ERC2: variants seen among roughly 807,000 people sequenced by gnomAD.
The protein encoded by ERC2 is ERC protein 2.
In ERC2, 42 loss-of-function variants were observed where a neutral mutation model predicts 114.8. The observed-to-expected ratio is 0.37, with a 90% CI of 0.29 to 0.47. The LOEUF is 0.47. Ranked by LOEUF, ERC2 falls within the 20% of genes least tolerant of loss-of-function variation. The probability of loss-of-function intolerance (pLI) is 0.99; values close to 1 mark genes in which losing one functional copy is unlikely to be tolerated. For synonymous variants in ERC2, 454 were observed against 425.5 expected, an observed-to-expected ratio of 1.07 and a Z score of -0.82; for missense variants, 939 against 1,150.7, an observed-to-expected ratio of 0.82 and a Z score of 2.66.
intron 2 of ERC2, among the ~76,000 whole-genome samples, chr3:56,425,560 CTTT>C (rs67210393): frequency 0.019 from 2,397 of 123,950 alleles, 23 homozygotes; most frequent in Middle Eastern, 0.026. Flanking sequence ...GACCCTTTTT[CTTT>C]TTTTTTTTTT....
At chr3:56,356,309 G>A (rs1339612584) in intron 2 of ERC2, among the ~76,000 whole-genome samples, 1 of 152,188 alleles carries the variant, frequency 6.6e-6, no homozygotes, top group African/African-American at 2.4e-5. Context: ...GGGCCAAATA[G>A]CATCAGAAAA....
At chr3:56,462,787 G>A (rs2063373412) in intron 1 of ERC2, among the ~76,000 whole-genome samples, 1 of 152,186 alleles carries the variant, frequency 6.6e-6, no homozygotes, top group African/African-American at 2.4e-5. Flanking sequence ...ATGTGCGGCT[G>A]CAAGTAATAA....
intron 14 of ERC2, among the ~76,000 whole-genome samples, chr3:55,739,870 T>G (rs1442938464): frequency 6.6e-6 from 1 of 152,176 alleles, no homozygotes; most frequent in African/African-American, 2.4e-5. Context: ...GGTTTTCTTC[T>G]AGAGTTTTTA....
intron 2 of ERC2, among the ~76,000 whole-genome samples, chr3:56,376,269 A>T (rs1477428429): frequency 6.6e-6 from 1 of 152,202 alleles, no homozygotes; most frequent in Non-Finnish European, 1.5e-5. Flanking sequence ...CCCAGAAAAT[A>T]TCTACCAAAC....
intron 2 of ERC2, among the ~76,000 whole-genome samples, chr3:56,334,320 G>A (rs1576474472): frequency 1.3e-5 from 2 of 152,210 alleles, no homozygotes; most frequent in East Asian, 3.9e-4. Context: ...TGGAGAAGTA[G>A]GCCATAGGCC....
chr3:55,604,844 T>G (rs144834259), intron 17 of ERC2, among the ~76,000 whole-genome samples: 208 of 152,328 alleles, frequency 1.4e-3, no homozygotes, highest in African/African-American at 4.8e-3. Flanking sequence ...CCCCACATCA[T>G]GGACTGGTAG....
intron 12 of ERC2, among the ~76,000 whole-genome samples, chr3:55,985,673 T>A (rs1320089016): frequency 1.3e-5 from 2 of 152,226 alleles, no homozygotes; most frequent in Non-Finnish European, 2.9e-5. Context: ...TGCAGTCAAT[T>A]TTCTGAACTG....
At position 56,296,008 on chromosome 3, in the gene ERC2, A is replaced by G. The variant is rs751409965; in HGVS notation, c.1074+11T>C. 40 of 1,545,752 alleles carry G rather than the reference A, an allele frequency of 2.6e-5. No homozygotes were observed. Among genetic ancestry groups the G allele is most frequent in the South Asian group, 2.1e-4 (17 of 80,436 alleles). On this transcript the variant is annotated intron_variant, in intron 3 of 17. Coordinates refer to ENST00000288221, the MANE Select transcript of ERC2 (RefSeq NM_015576.3). The stretch of plus-strand genomic sequence containing the variant: ...ATTAAGGCTTTGGGGAAATACAGTG[A>G]ATGCTCTTACCTCTCTAAGATGTAT...
chr3:55,566,286 C>T (rs62251512), intron 17 of ERC2, among the ~76,000 whole-genome samples: 12,700 of 152,214 alleles, frequency 0.083, 590 homozygotes, highest in Middle Eastern at 0.095. Context: ...TTTTTACACA[C>T]GTACTAAGTG....
At chr3:55,868,977 G>A (rs917908846) in intron 14 of ERC2, among the ~76,000 whole-genome samples, 2 of 152,068 alleles carry the variant, frequency 1.3e-5, no homozygotes, top group African/African-American at 4.8e-5. Flanking sequence ...AGTTCTGGGA[G>A]CCTCTTTCAT....
chr3:56,108,504 ACAT>A (rs1268774019), intron 6 of ERC2, among the ~76,000 whole-genome samples: 1 of 152,110 alleles, frequency 6.6e-6, no homozygotes, highest in Non-Finnish European at 1.5e-5. Flanking sequence ...ATATATATAC[ACAT>A]ATCTATTTCT....
intron 7 of ERC2, among the ~76,000 whole-genome samples, chr3:56,055,560 C>T (rs932266497): frequency 1.1e-4 from 16 of 152,144 alleles, no homozygotes; most frequent in African/African-American, 3.6e-4. Context: ...ACTTAAAAGA[C>T]GTTAGTCATT....
chr3:55,652,132 T>C (rs951342792), intron 17 of ERC2, among the ~76,000 whole-genome samples: 2 of 152,180 alleles, frequency 1.3e-5, no homozygotes, highest in Admixed American at 6.5e-5. Context: ...TTTGCTAATT[T>C]GTGTGACAGC....
chr3:55,608,907 G>A (rs2058761581), intron 17 of ERC2, among the ~76,000 whole-genome samples: 1 of 152,228 alleles, frequency 6.6e-6, no homozygotes, highest in South Asian at 2.1e-4. Flanking sequence ...AGGGTGGGTT[G>A]TAACTGGTCT....
chr3:55,657,265 T>C (rs1373262436), intron 17 of ERC2: 2 of 152,134 alleles, frequency 1.3e-5, no homozygotes, highest in African/African-American at 4.8e-5. Flanking sequence ...GGCTGGAAGC[T>C]GTCCTGGCTC....
At chr3:56,262,646 T>C (rs1048488457) in intron 3 of ERC2, among the ~76,000 whole-genome samples, 1 of 152,222 alleles carries the variant, frequency 6.6e-6, no homozygotes, top group Non-Finnish European at 1.5e-5. Flanking sequence ...CTTCTAAAAA[T>C]GAGCACAGTT....
At chr3:55,634,944 C>T (rs1197810351) in intron 17 of ERC2, among the ~76,000 whole-genome samples, 8 of 151,542 alleles carry the variant, frequency 5.3e-5, no homozygotes, top group Non-Finnish European at 7.4e-5. Context: ...TATGGTGGCA[C>T]GATCTCGGCT....
intron 6 of ERC2, among the ~76,000 whole-genome samples, chr3:56,097,930 G>T (rs2078152166): frequency 6.6e-6 from 1 of 152,128 alleles, no homozygotes; most frequent in South Asian, 2.1e-4. Flanking sequence ...ATCACATTTA[G>T]CCTTCCAAAC....
intron 2 of ERC2, among the ~76,000 whole-genome samples, chr3:56,365,258 C>T (rs531056025): frequency 1.4e-4 from 22 of 152,282 alleles, no homozygotes; most frequent in South Asian, 1.2e-3. Flanking sequence ...TGTATTTTTC[C>T]TATATCTTAT....
Sources: allele counts gnomAD v4.1 joint callset (sites outside exome capture counted in the v4.1 genomes callset), GRCh38; gene constraint gnomAD v4.1.1; transcripts MANE v1.5; gene names NCBI Gene and HGNC (gene_info 2026-07-23, HGNC 2026-07-21).